The following TMCC2 variants were observed in gnomAD, a reference collection of about 807,000 sequenced individuals.
The protein encoded by TMCC2 is transmembrane and coiled-coil domain family 2.
Under a neutral mutation model 49.4 loss-of-function variants are expected in TMCC2, and 16 were observed. The ratio of observed to expected loss-of-function variants is 0.32; its 90% CI spans 0.22 to 0.49. The LOEUF (loss-of-function observed/expected upper bound fraction) is 0.49, where lower values mean the gene tolerates loss of function less well. TMCC2 is among the 20% of genes least tolerant of loss of function. TMCC2 has a pLI of 0.99. For missense variants in TMCC2, 762 were observed against 989.8 expected, an observed-to-expected ratio of 0.77 and a Z score of 3.09; for synonymous variants, 397 against 434.1, an observed-to-expected ratio of 0.91 and a Z score of 1.06.
intron 2 of TMCC2, 187 bp from the exon 3 acceptor site, chr1:205,268,763 C>G (rs531230297): frequency 1.6e-6 from 1 of 617,106 alleles, no homozygotes; most frequent in African/African-American, 1.8e-5. Flanking sequence ...GCTGTGGGGA[C>G]GGGGTAGAGA....
In TMCC2 at chr1:205,264,299, G is replaced by C. The variant is rs1661231595; in HGVS notation, c.748-4651G>C. On this transcript the variant is annotated intron_variant, in intron 2 of 4. Transcript: ENST00000358024. The surrounding 1 kb of genome is among the most constrained non-coding windows in gnomAD (Gnocchi z 4.2). ...ATACTATGAAAATAGAAAATAGTGT[G>C]ACACTGTTGTTTCTTGTTTTTTGTT... Among the ~76,000 whole-genome samples the C allele has an allele frequency of 1.3e-5, 2 of 152,120 alleles. No individual in the cohort carries two copies. The highest frequency in any genetic ancestry group is 4.8e-5 in the African/African-American group (2 of 41,434).
At chr1:205,229,933 G>A (rs556014402) in intron 1 of TMCC2, 313 of 985,452 alleles carry the variant, frequency 3.2e-4, no homozygotes, top group Non-Finnish European at 3.5e-4. Flanking sequence ...CCAGCTCACC[G>A]TCCAGCTGAG....
At chr1:205,234,392 G>A (rs1300485878) in intron 1 of TMCC2, among the ~76,000 whole-genome samples, 1 of 152,140 alleles carries the variant, frequency 6.6e-6, no homozygotes, top group East Asian at 1.9e-4. Flanking sequence ...GTTGCAGTGA[G>A]CCGAGATCGT....
chr1:205,235,953 T>C (rs11240396), intron 1 of TMCC2, among the ~76,000 whole-genome samples: 122,149 of 151,442 alleles, frequency 0.81, 50,426 homozygotes, highest in East Asian at 0.97. Flanking sequence ...CGTATAGTCC[T>C]AGCTGCTCGG....
chr1:205,241,364 A>G lies in TMCC2; in HGVS notation c.208-141A>G. The G allele has an allele frequency of 1.0e-6, 1 of 953,184 alleles. No homozygotes were observed. The highest frequency in any genetic ancestry group is 1.7e-5 in the South Asian group (1 of 57,786). 59.0% of individuals were successfully genotyped at this position (953,184 alleles called of 1,614,324 possible). A position where few individuals can be genotyped will look rare whatever the true frequency, so the allele number is the denominator to read the frequency against. On this transcript the variant is annotated intron_variant, in intron 1 of 4. Transcript: ENST00000358024. The surrounding 1 kb of genome is among the most constrained non-coding windows in gnomAD (Gnocchi z 7.3). ...ACTGACCCTTTATGCACGACGGGCC[A>G]TCCACAGAGATCTTCCAGGTTCAGA...
chr1:205,237,394 G>C (rs948428457), intron 1 of TMCC2, among the ~76,000 whole-genome samples: 2 of 152,172 alleles, frequency 1.3e-5, no homozygotes, highest in African/African-American at 4.8e-5. Context: ...GGCTCAGGGT[G>C]ACCCAGTCAC....
In TMCC2 at chr1:205,269,405, C is replaced by T. The variant is rs776900750; in HGVS notation, c.1203C>T (p.Gly401=). ...CAGGCATCAGCGGCTTTGGGGGCGG[C>T]GTGGTGGAGGGCGTCAAGGGCAGCC... ...VRAGISGFGG[G]VVEGVKGSLS... Residue 401 remains glycine (G), a synonymous_variant, in exon 3 of 5, where the codon GGC becomes GGT. Coordinates refer to ENST00000358024, the MANE Select transcript of TMCC2 (RefSeq NM_014858.4). The T allele has an allele frequency of 1.4e-5, 23 of 1,605,924 alleles. No homozygotes were observed. The highest frequency in any genetic ancestry group is 1.6e-4 in the Middle Eastern group (1 of 6,068).
chr1:205,272,144 C>T lies in TMCC2; in HGVS notation c.*20C>T, dbSNP rs201314246. 270 of 1,603,858 alleles carry T rather than the reference C, an allele frequency of 1.7e-4. 3 individuals carry two copies. In the East Asian group the frequency reaches 5.7e-3, roughly 34 times the overall value. ...AGCTGAGTGGCCAGCCACACCAACC[C>T]TGTGCTCTCTGGCCCCCAGCTGGCC... is the stretch of plus-strand genomic sequence containing the variant. On this transcript the variant is annotated 3_prime_UTR_variant, in exon 5 of 5. Coordinates refer to ENST00000358024, the MANE Select transcript of TMCC2 (RefSeq NM_014858.4).
intron 1 of TMCC2, chr1:205,230,056 G>T (rs566623195): frequency 3.0e-6 from 3 of 985,460 alleles, no homozygotes; most frequent in African/African-American, 1.7e-5. Context: ...GGACTCTGTT[G>T]CATTTAATAA....
intron 2 of TMCC2, among the ~76,000 whole-genome samples, chr1:205,251,209 C>T (rs886378314): frequency 6.6e-6 from 1 of 152,178 alleles, no homozygotes; most frequent in Non-Finnish European, 1.5e-5. Flanking sequence ...GAATCAGAAG[C>T]TCCCCTGAGC....
chr1:205,269,323 A>G lies in TMCC2; in HGVS notation c.1121A>G (p.Lys374Arg), dbSNP rs780970835. The G allele has an allele frequency of 5.0e-5, 80 of 1,613,250 alleles. No homozygotes were observed. Among genetic ancestry groups the G allele is most frequent in the Non-Finnish European group, 6.6e-5 (78 of 1,179,950 alleles). The part of the protein sequence containing the change: ...IEQNGPSRQP[K>R]DVLRDMQQGL... Reference sequence around the variant, plus strand: ...CAGAACGGGCCCTCGCGGCAGCCCAAGGACGTGCTGCGGGACATGCAGCAG... The same window carrying G: ...CAGAACGGGCCCTCGCGGCAGCCCAGGGACGTGCTGCGGGACATGCAGCAG... Residue 374 changes from lysine to arginine, a missense_variant, in exon 3 of 5, where the codon AAG becomes AGG. Physicochemically the swap from Lys to Arg is conservative, Grantham distance 26. Around this residue, in one of 2 missense-constraint regions of TMCC2, gnomAD observed 440 missense variants for 636.7 expected, o/e 0.69. Transcript: ENST00000358024.
chr1:205,254,313 A>G (rs1485909035), intron 2 of TMCC2, among the ~76,000 whole-genome samples: 1 of 152,160 alleles, frequency 6.6e-6, no homozygotes, highest in East Asian at 1.9e-4. Context: ...ATTTGTGGAA[A>G]CAGTCTCAGC....
intron 1 of TMCC2, chr1:205,230,030 G>A (rs1402386453): frequency 1.0e-6 from 1 of 985,312 alleles, no homozygotes; most frequent in African/African-American, 1.7e-5. Flanking sequence ...CAGGGTCTGG[G>A]CTAGGGAAAC....
At chr1:205,251,143 G>A (rs1169484237) in intron 2 of TMCC2, among the ~76,000 whole-genome samples, 1 of 152,218 alleles carries the variant, frequency 6.6e-6, no homozygotes, top group African/African-American at 2.4e-5. Flanking sequence ...TGAAATAGAA[G>A]TAAAACTGAA....
chr1:205,236,119 G>C (rs890083609), intron 1 of TMCC2, among the ~76,000 whole-genome samples: 6 of 151,322 alleles, frequency 4.0e-5, no homozygotes, highest in Non-Finnish European at 7.4e-5. Context: ...ATGACTAAAG[G>C]CTTCCTTATT....
chr1:205,229,560 G>GT, intron 1 of TMCC2: 2 of 602,580 alleles, frequency 3.3e-6, no homozygotes, highest in Non-Finnish European at 1.8e-6. Context: ...GGGGGGGGGT[G>GT]GTGGCGGGGG....
rs1446109104 is a variant in TMCC2, at chr1:205,269,561, C to T, written c.1359C>T (p.Pro453=). The change falls in exon 3 of 5, where the codon CCC becomes CCT. Residue 453 remains proline (P), a synonymous_variant. Transcript: ENST00000358024. ...TGAAGGACCCCCTGGAAGATGGGCCCCCTGAGGAGGCAGCCCGGGCACTGA... is the reference window on the plus strand; with the variant it reads ...TGAAGGACCCCCTGGAAGATGGGCCTCCTGAGGAGGCAGCCCGGGCACTGA... ...AHLKDPLEDG[P]PEEAARALSG... is the part of the protein sequence containing the mutation. 3 of 1,613,752 alleles carry T rather than the reference C, an allele frequency of 1.9e-6. No individual in the cohort carries two copies. The highest frequency in any genetic ancestry group is 2.5e-6 in the Non-Finnish European group (3 of 1,179,956).
At position 205,228,646 on chromosome 1, in the gene TMCC2, C is replaced by T. The variant is rs201212155; in HGVS notation, c.82C>T (p.Leu28=). ...GAGLEDAASH[L]PGADLRPGET... is the part of the protein sequence containing the mutation. ...TGGGCTGGAAGATGCCGCTTCCCAC[C>T]TGCCGGGCGCGGACCTCCGGCCTGG... Residue 28 remains leucine (L), a synonymous_variant, in exon 1 of 5, where the codon CTG becomes TTG. Transcript: ENST00000358024. The T allele has an allele frequency of 4.3e-6, 7 of 1,613,230 alleles. No homozygotes were observed. The Admixed American group carries it at 1.2e-4, about 27-fold the overall frequency.
intron 2 of TMCC2, among the ~76,000 whole-genome samples, chr1:205,254,855 C>A (rs1216390797): frequency 6.6e-6 from 1 of 152,230 alleles, no homozygotes; most frequent in Non-Finnish European, 1.5e-5. Flanking sequence ...GGCCCCTCCC[C>A]ACCTGTCTCC....
Sources: gnomAD v4.1 joint callset for allele counts (sites outside exome capture counted in the v4.1 genomes callset) on GRCh38, gnomAD v4.1.1 for gene constraint, gnomAD v4.1.1 regional missense constraint, Gnocchi (gnomAD v3.1) non-coding constraint, MANE v1.5 for transcripts, NCBI Gene and HGNC (gene_info 2026-07-23, HGNC 2026-07-21) for gene names.